The following OSBPL1A variants were observed in gnomAD, a reference collection of about 807,000 sequenced individuals.
OSBPL1A encodes oxysterol binding protein like 1A.
A neutral mutation model predicts 137.1 loss-of-function variants in OSBPL1A; 80 were observed. The ratio of observed to expected loss-of-function variants is 0.58; its 90% CI spans 0.49 to 0.70. The LOEUF (loss-of-function observed/expected upper bound fraction) is 0.70. Ranked by LOEUF, OSBPL1A falls within the 30% of genes least tolerant of loss-of-function variation. OSBPL1A has a pLI of 0.00. For synonymous variants in OSBPL1A, 365 were observed against 389.7 expected, an observed-to-expected ratio of 0.94 and a Z score of 0.75; for missense variants, 970 against 1,129.4, an observed-to-expected ratio of 0.86 and a Z score of 2.02.
intron 1 of OSBPL1A, among the ~76,000 whole-genome samples, chr18:24,390,291 TCAAA>T (rs1009848927): frequency 2.0e-5 from 3 of 152,202 alleles, no homozygotes; most frequent in African/African-American, 7.2e-5. Flanking sequence ...AAGCAAGGAA[TCAAA>T]CAGATATTTG....
intron 2 of OSBPL1A, among the ~76,000 whole-genome samples, chr18:24,370,838 T>C (rs1163378839): frequency 6.6e-6 from 1 of 152,096 alleles, no homozygotes; most frequent in Non-Finnish European, 1.5e-5. Context: ...TGGCTAATAT[T>C]TGGATTCTTT....
At chr18:24,338,417 G>A (rs2091217584) in intron 5 of OSBPL1A, among the ~76,000 whole-genome samples, 1 of 152,010 alleles carries the variant, frequency 6.6e-6, no homozygotes, top group Non-Finnish European at 1.5e-5. Context: ...TGTAGAAGAA[G>A]GCTGCGTTAG....
intron 7 of OSBPL1A, among the ~76,000 whole-genome samples, chr18:24,326,210 G>T (rs961296309): frequency 1.3e-5 from 2 of 152,194 alleles, no homozygotes; most frequent in Non-Finnish European, 2.9e-5. Flanking sequence ...TGATGACTGT[G>T]CTTCTGGGGA....
intron 22 of OSBPL1A, among the ~76,000 whole-genome samples, chr18:24,172,000 G>A (rs1190341674): frequency 6.6e-6 from 1 of 151,304 alleles, no homozygotes; most frequent in Non-Finnish European, 1.5e-5. Flanking sequence ...AAGTGCAGTG[G>A]CGCTATCTCG....
chr18:24,218,087 T>C (rs1186119057), intron 17 of OSBPL1A, among the ~76,000 whole-genome samples: 1 of 152,212 alleles, frequency 6.6e-6, no homozygotes, highest in Non-Finnish European at 1.5e-5. Context: ...AAAGGCAGTA[T>C]GTAGAACTTT....
chr18:24,275,660 C>T (rs550599175), intron 15 of OSBPL1A, among the ~76,000 whole-genome samples: 27 of 152,238 alleles, frequency 1.8e-4, no homozygotes, highest in African/African-American at 6.5e-4. Context: ...TACAGAATTC[C>T]AACCCTTCAG....
intron 1 of OSBPL1A, among the ~76,000 whole-genome samples, chr18:24,379,131 A>G (rs549789710): frequency 6.6e-6 from 1 of 152,362 alleles, no homozygotes; most frequent in African/African-American, 2.4e-5. Flanking sequence ...AACTTTGGAA[A>G]TAAAAATAGC....
chr18:24,286,778 T>A (rs2090072549), intron 14 of OSBPL1A, among the ~76,000 whole-genome samples: 1 of 152,176 alleles, frequency 6.6e-6, no homozygotes, highest in African/African-American at 2.4e-5. Flanking sequence ...TTATGATCAA[T>A]GAGAACTCTA....
chr18:24,366,077 A>C (rs1339782576), intron 4 of OSBPL1A, among the ~76,000 whole-genome samples: 1 of 152,136 alleles, frequency 6.6e-6, no homozygotes, highest in Non-Finnish European at 1.5e-5. Context: ...ATGGTCTTTA[A>C]ATTAGGGTTC....
chr18:24,195,462 T>A (rs1266913398), intron 18 of OSBPL1A, among the ~76,000 whole-genome samples: 1 of 152,154 alleles, frequency 6.6e-6, no homozygotes, highest in Non-Finnish European at 1.5e-5. Context: ...AGGGTACACA[T>A]TCAATTGCAA....
chr18:24,164,720 A>C (rs567437556), intron 27 of OSBPL1A, among the ~76,000 whole-genome samples: 1 of 151,664 alleles, frequency 6.6e-6, no homozygotes, highest in Non-Finnish European at 1.5e-5. Flanking sequence ...GAGCCACTGC[A>C]CCCCGCCAGA....
chr18:24,199,243 C>A, intron 17 of OSBPL1A, among the ~76,000 whole-genome samples: 1 of 152,138 alleles, frequency 6.6e-6, no homozygotes, highest in South Asian at 2.1e-4. Flanking sequence ...GAAAACATCT[C>A]TTACAAGCAG....
At chr18:24,212,987 G>A (rs750881059) in intron 17 of OSBPL1A, among the ~76,000 whole-genome samples, 6 of 152,102 alleles carry the variant, frequency 3.9e-5, no homozygotes, top group East Asian at 3.8e-4. Context: ...TTTCAGGTTC[G>A]AATTCAGACA....
chr18:24,345,077 C>T (rs543253381), intron 4 of OSBPL1A, among the ~76,000 whole-genome samples: 2 of 151,498 alleles, frequency 1.3e-5, no homozygotes, highest in South Asian at 2.1e-4. Context: ...CTCAGCCTCC[C>T]GAAGTGCTGG....
At chr18:24,216,271 C>T (rs2087693478) in intron 17 of OSBPL1A, among the ~76,000 whole-genome samples, 1 of 152,184 alleles carries the variant, frequency 6.6e-6, no homozygotes. Flanking sequence ...TTTGGGAGGC[C>T]AAGGCGGGTG....
intron 7 of OSBPL1A, 104 bp downstream of exon 7, chr18:24,332,838 C>A: frequency 7.4e-7 from 1 of 1,343,726 alleles, no homozygotes; most frequent in South Asian, 1.4e-5. Context: ...AGAAACCATA[C>A]AGTTTAACAA....
In OSBPL1A at chr18:24,165,047, C is replaced by G. The variant is rs757762369; in HGVS notation, c.2750+18G>C. ...CCTGCCTGAGGGCTCAGCCACACCC[C>G]CTGACTCAGGCACGCACCTCGTCTT... On this transcript the variant is annotated intron_variant, in intron 27 of 27. Transcript: ENST00000319481. The G allele has an allele frequency of 1.2e-6, 2 of 1,613,680 alleles. No individual in the cohort carries two copies. The highest frequency in any genetic ancestry group is 1.7e-6 in the Non-Finnish European group (2 of 1,179,698).
intron 17 of OSBPL1A, among the ~76,000 whole-genome samples, chr18:24,204,013 CT>C (rs1352108244): frequency 6.6e-6 from 1 of 152,144 alleles, no homozygotes; most frequent in Admixed American, 6.5e-5. Context: ...ATGATGTATT[CT>C]TATTTAAATC....
chr18:24,269,832 C>G (rs2089671477), intron 15 of OSBPL1A, among the ~76,000 whole-genome samples: 1 of 143,852 alleles, frequency 7.0e-6, no homozygotes, highest in Admixed American at 6.9e-5. Flanking sequence ...TCTTGAGTCA[C>G]ATCAAGCATG....
Sources: allele counts gnomAD v4.1 joint callset (sites outside exome capture counted in the v4.1 genomes callset), GRCh38; gene constraint gnomAD v4.1.1; transcripts MANE v1.5; gene names NCBI Gene and HGNC (gene_info 2026-07-23, HGNC 2026-07-21).